Variants in SESTD1 observed in about 807,000 individuals in gnomAD.
SESTD1 encodes the protein SEC14 domain and spectrin repeat-containing protein 1.
Under a neutral mutation model 101.7 loss-of-function variants are expected in SESTD1, and 43 were observed. The observed-to-expected ratio is 0.42, with a 90% CI of 0.33 to 0.55. SESTD1 has a LOEUF of 0.55. Ranked by LOEUF, SESTD1 falls within the 20% of genes least tolerant of loss-of-function variation. The probability of loss-of-function intolerance (pLI) is 0.07; values close to 1 mark genes in which losing one functional copy is unlikely to be tolerated. For synonymous variants in SESTD1, 283 were observed against 286.8 expected, an observed-to-expected ratio of 0.99 and a Z score of 0.13; for missense variants, 647 against 815.1, an observed-to-expected ratio of 0.79 and a Z score of 2.51.
At chr2:179,256,262 T>A (rs2047392022) in intron 1 of SESTD1, among the ~76,000 whole-genome samples, 1 of 152,212 alleles carries the variant, frequency 6.6e-6, no homozygotes, top group African/African-American at 2.4e-5. Context: ...TTGGGCAAAG[T>A]AAATTGAGAA....
rs1385362018 is a variant in SESTD1 at position 179,115,221 on chromosome 2, G to C, written c.1683C>G (p.Ala561=). Residue 561 remains alanine, a synonymous_variant, in exon 16 of 18, where the codon GCC becomes GCG. Transcript: ENST00000428443. ...GCAAAGATTGGCATAACACAACTGT[G>C]GCCTGTAGCAACTGCCTGCCATAGT... is the stretch of plus-strand genomic sequence containing the variant. ...TYDYGRQLLQ[A]TVVLCQSLRC... 6.2e-7 allele frequency: 1 copy of C among 1,605,640 alleles called. No individual in the cohort carries two copies. The highest frequency in any genetic ancestry group is 1.3e-5 in the African/African-American group (1 of 74,310).
chr2:179,158,513 T>A (rs2045672076), intron 5 of SESTD1, among the ~76,000 whole-genome samples: 2 of 152,200 alleles, frequency 1.3e-5, no homozygotes, highest in Non-Finnish European at 2.9e-5. Context: ...AAAGCTCTTT[T>A]TCCTAAAATT....
At chr2:179,172,048 G>A (rs10497534) in intron 5 of SESTD1, 72 bp downstream of exon 5, 69,780 of 991,672 alleles carry the variant, frequency 0.07, 2,742 homozygotes, top group South Asian at 0.09. Flanking sequence ...AATGCTGAAC[G>A]GTCAAAAATA....
rs1337507094 is a variant in SESTD1, at chr2:179,106,091, T to C, written c.*3808A>G. Reference sequence around the variant, plus strand: ...CATTTTTAGGACTGAACGTTAACAATAAGTCTACTAATTAGGTTAACTGCT... The same window carrying C: ...CATTTTTAGGACTGAACGTTAACAACAAGTCTACTAATTAGGTTAACTGCT... On this transcript the variant is annotated 3_prime_UTR_variant, in exon 18 of 18. Transcript: ENST00000428443. 6.6e-6 allele frequency: 1 copy of C among 152,192 alleles called. No homozygotes were observed. Among genetic ancestry groups the C allele is most frequent in the Non-Finnish European group, 1.5e-5 (1 of 68,032 alleles). The allele number at this position is 152,192 out of a possible 1,614,324, so 9.4% of individuals were successfully genotyped here. A position where few individuals can be genotyped will look rare whatever the true frequency, so the allele number is the denominator to read the frequency against.
At chr2:179,145,791 A>C (rs1447400114) in intron 8 of SESTD1, among the ~76,000 whole-genome samples, 1 of 152,236 alleles carries the variant, frequency 6.6e-6, no homozygotes, top group Non-Finnish European at 1.5e-5. Context: ...AGTACAAAAT[A>C]GATAAAATAA....
chr2:179,149,792 A>T (rs905709889), intron 6 of SESTD1, among the ~76,000 whole-genome samples: 1 of 152,186 alleles, frequency 6.6e-6, no homozygotes, highest in Non-Finnish European at 1.5e-5. Context: ...GGTTTCACAT[A>T]ATAGTTGTTA....
At chr2:179,112,619 C>A in intron 17 of SESTD1, 105 bp downstream of exon 17, 1 of 1,380,444 alleles carries the variant, frequency 7.2e-7, no homozygotes, top group Non-Finnish European at 9.6e-7. Flanking sequence ...AGATGTGGAC[C>A]AAACCTAATT....
At chr2:179,214,079 G>A (rs1470666133) in intron 1 of SESTD1, among the ~76,000 whole-genome samples, 1 of 134,632 alleles carries the variant, frequency 7.4e-6, no homozygotes, top group Non-Finnish European at 1.6e-5. Flanking sequence ...CAATTAATGG[G>A]CAAAATAACC....
rs999405228 is a variant in SESTD1, at chr2:179,116,811, A to G, written c.1525-21T>C. ...ACTGCCTAAACAAAAAGACATAACA[A>G]TGAAGCTGGATTCAGAACTCTTTAC... On this transcript the variant is annotated intron_variant, in intron 14 of 17. Transcript: ENST00000428443. 11 of 1,608,692 alleles carry G rather than the reference A, an allele frequency of 6.8e-6. No homozygotes were observed. In the East Asian group the frequency reaches 2.5e-4, roughly 36 times the overall value.
chr2:179,233,226 C>T (rs913037963), intron 1 of SESTD1, among the ~76,000 whole-genome samples: 4 of 152,196 alleles, frequency 2.6e-5, no homozygotes, highest in Non-Finnish European at 5.9e-5. Flanking sequence ...TAAGTAAACA[C>T]TGAGTTCCAG....
intron 5 of SESTD1, among the ~76,000 whole-genome samples, chr2:179,162,698 G>A (rs889491810): frequency 5.3e-5 from 8 of 151,622 alleles, no homozygotes; most frequent in Non-Finnish European, 7.4e-5. Flanking sequence ...TTAGAACAAA[G>A]GCAAATAGGC....
rs930846208 is a variant in SESTD1 at position 179,116,491 on chromosome 2, C to G, written c.1647+177G>C. On this transcript the variant is annotated intron_variant, in intron 15 of 17. Transcript: ENST00000428443. ...ACATGTATTCAGGGAAACGTAAACCCTCTCAAGTTTATGCAGGCTAGTTTT... is the reference window on the plus strand; with the variant it reads ...ACATGTATTCAGGGAAACGTAAACCGTCTCAAGTTTATGCAGGCTAGTTTT... 5.6e-5 allele frequency: 51 copies of G among 909,270 alleles called. No individual in the cohort carries two copies. In the Middle Eastern group the frequency reaches 7.9e-4, roughly 14 times the overall value. The allele number at this position is 909,270 out of a possible 1,614,324, so 56.3% of individuals were successfully genotyped here. A position where few individuals can be genotyped will look rare whatever the true frequency, so the allele number is the denominator to read the frequency against.
intron 3 of SESTD1, among the ~76,000 whole-genome samples, chr2:179,181,307 T>C (rs2046104797): frequency 6.6e-6 from 1 of 152,152 alleles, no homozygotes; most frequent in Non-Finnish European, 1.5e-5. Context: ...GAACTGAATG[T>C]GATTCCAGTA....
In SESTD1 at chr2:179,170,638, T is replaced by C. The variant is rs557877324; in HGVS notation, c.369+1482A>G. On this transcript the variant is annotated intron_variant, in intron 5 of 17. Coordinates refer to ENST00000428443, the MANE Select transcript of SESTD1 (RefSeq NM_178123.5). The stretch of plus-strand genomic sequence containing the variant: ...AGTGTTTTTTTGGATGTTAGTAAGA[T>C]GAGTGGTGGCTGTGGGCCTCTAAAC... Among the ~76,000 whole-genome samples the C allele has an allele frequency of 2.6e-5, 4 of 152,228 alleles. No individual in the cohort carries two copies. In the South Asian group the frequency reaches 8.3e-4, roughly 32 times the overall value.
chr2:179,179,597 T>G (rs1045223493), intron 3 of SESTD1, among the ~76,000 whole-genome samples: 2 of 152,236 alleles, frequency 1.3e-5, no homozygotes, highest in Admixed American at 1.3e-4. Flanking sequence ...TGTTTACAAT[T>G]CATCTTCATT....
chr2:179,117,334 T>C (rs996734229), intron 14 of SESTD1, among the ~76,000 whole-genome samples, 198 bp downstream of exon 14: 1 of 152,186 alleles, frequency 6.6e-6, no homozygotes, highest in Non-Finnish European at 1.5e-5. Flanking sequence ...GAGGATTTCA[T>C]TGAGAAAATT....
At position 179,206,042 on chromosome 2, in the gene SESTD1, A is replaced by G; in HGVS notation, c.-25-14176T>C. ...ATCTAATAGAAAAATTTAAATAGAT[A>G]ATGTACAAAATAAACAACGGAAAAA... is the stretch of plus-strand genomic sequence containing the variant. On this transcript the variant is annotated intron_variant, in intron 1 of 17. Coordinates refer to ENST00000428443, the MANE Select transcript of SESTD1 (RefSeq NM_178123.5). Among the ~76,000 whole-genome samples, 2 of 135,170 alleles carry G rather than the reference A, an allele frequency of 1.5e-5. 1 individual carries two copies. Among genetic ancestry groups the G allele is most frequent in the Non-Finnish European group, 3.2e-5 (2 of 62,936 alleles). The allele number at this position is 135,170 out of a possible 152,430, so 88.7% of individuals were successfully genotyped here.
intron 4 of SESTD1, 31 bp downstream of exon 4, chr2:179,176,417 A>T (rs1559129300): frequency 6.5e-7 from 1 of 1,539,884 alleles, no homozygotes; most frequent in Admixed American, 1.7e-5. Context: ...TAAAATAAAA[A>T]CCATTTCCTG....
At chr2:179,122,687 C>A (rs947391153) in intron 12 of SESTD1, among the ~76,000 whole-genome samples, 1 of 152,054 alleles carries the variant, frequency 6.6e-6, no homozygotes, top group Non-Finnish European at 1.5e-5. Flanking sequence ...GTCAGGAGCT[C>A]GAGACCAGCC....
Sources: gnomAD v4.1 joint callset for allele counts (sites outside exome capture counted in the v4.1 genomes callset) on GRCh38, gnomAD v4.1.1 for gene constraint, MANE v1.5 for transcripts, NCBI Gene and HGNC (gene_info 2026-07-23, HGNC 2026-07-21) for gene names.